The following AIG1 variants were observed in gnomAD, a reference collection of about 807,000 sequenced individuals.
AIG1 encodes the protein androgen-induced gene 1 protein.
Under a neutral mutation model 31.4 loss-of-function variants are expected in AIG1, and 23 were observed. That is an observed-to-expected ratio of 0.73 (90% CI 0.53 to 1.04). AIG1 has a LOEUF of 1.04. Ranked by LOEUF, AIG1 falls within the 50% of genes least tolerant of loss-of-function variation. The pLI is 0.00. For missense variants in AIG1, 274 were observed against 295.0 expected, an observed-to-expected ratio of 0.93 and a Z score of 0.52; for synonymous variants, 100 against 110.5, an observed-to-expected ratio of 0.90 and a Z score of 0.60.
At chr6:143,302,428 T>C (rs1227856032) in intron 4 of AIG1, among the ~76,000 whole-genome samples, 2 of 150,630 alleles carry the variant, frequency 1.3e-5, no homozygotes, top group Non-Finnish European at 3.0e-5. Context: ...CCTGTGTCCA[T>C]GTGTTCTCAT....
intron 1 of AIG1, among the ~76,000 whole-genome samples, chr6:143,105,317 G>A (rs1780704113): frequency 6.6e-6 from 1 of 152,232 alleles, no homozygotes; most frequent in Non-Finnish European, 1.5e-5. Flanking sequence ...AGAAGCGGGT[G>A]TGAGTAGTGT....
chr6:143,294,995 C>G (rs139716310), intron 4 of AIG1, among the ~76,000 whole-genome samples: 2 of 152,286 alleles, frequency 1.3e-5, no homozygotes, highest in Middle Eastern at 3.4e-3. Flanking sequence ...CCATACCTCT[C>G]TCCTGAACCT....
At chr6:143,144,678 G>A (rs1004641011) in intron 2 of AIG1, among the ~76,000 whole-genome samples, 1 of 152,212 alleles carries the variant, frequency 6.6e-6, no homozygotes, top group Non-Finnish European at 1.5e-5. Flanking sequence ...AATAAGCTCA[G>A]CAAAGCTGCT....
intron 4 of AIG1, among the ~76,000 whole-genome samples, chr6:143,285,333 C>T (rs1166153918): frequency 2.0e-5 from 3 of 150,526 alleles, no homozygotes; most frequent in African/African-American, 4.9e-5. Context: ...TGAGCCACCG[C>T]GTCCAGCTGG....
chr6:143,212,136 G>C (rs1351728678), intron 3 of AIG1, among the ~76,000 whole-genome samples: 1 of 152,052 alleles, frequency 6.6e-6, no homozygotes, highest in African/African-American at 2.4e-5. Context: ...ATTTGTGACA[G>C]GCAAAAATGT....
intron 1 of AIG1, among the ~76,000 whole-genome samples, chr6:143,121,971 T>C (rs929097432): frequency 6.6e-6 from 1 of 152,230 alleles, no homozygotes; most frequent in Non-Finnish European, 1.5e-5. Flanking sequence ...TTGTTTATGG[T>C]ATTCTGGTGA....
intron 1 of AIG1, among the ~76,000 whole-genome samples, chr6:143,097,866 C>G: frequency 6.6e-6 from 1 of 152,202 alleles, no homozygotes; most frequent in East Asian, 1.9e-4. Flanking sequence ...TACTTTCTCT[C>G]CTATTGCAGT....
intron 1 of AIG1, among the ~76,000 whole-genome samples, chr6:143,136,587 G>A (rs9496529): frequency 0.019 from 2,854 of 152,296 alleles, 96 homozygotes; most frequent in African/African-American, 0.063. Context: ...CTATTTAGAT[G>A]TGTGTGTGCA....
intron 4 of AIG1, among the ~76,000 whole-genome samples, chr6:143,296,117 G>T (rs1454034026): frequency 6.6e-6 from 1 of 151,858 alleles, no homozygotes; most frequent in Non-Finnish European, 1.5e-5. Context: ...CTTACACTTA[G>T]TTCAATGGTA....
rs1777106633 is a variant in AIG1 at position 143,331,850 on chromosome 6, TTA to T, written c.516-1430_516-1429del. Among the ~76,000 whole-genome samples, 8 of 78,118 alleles carry T rather than the reference TTA, an allele frequency of 1.0e-4. No homozygotes were observed. The East Asian group carries it at 2.0e-3, about 19-fold the overall frequency. The allele number at this position is 78,118 out of a possible 152,430, so 51.2% of individuals were successfully genotyped here. On this transcript the variant is annotated intron_variant, in intron 4 of 5. Coordinates refer to ENST00000357847, the MANE Select transcript of AIG1 (RefSeq NM_016108.4). The surrounding 1 kb of genome is among the most constrained non-coding windows in gnomAD (Gnocchi z 4.1). ...GAGGTACATGTGTAGGTAATGTTTA[TTA>T]TTATTATTATTATTATTATTATTAT...
chr6:143,134,839 C>G (rs963820887), intron 1 of AIG1, among the ~76,000 whole-genome samples: 1 of 151,980 alleles, frequency 6.6e-6, no homozygotes, highest in African/African-American at 2.4e-5. Context: ...ATAAAACAGG[C>G]TTTGTGTTAG....
chr6:143,139,714 T>G (rs1365977948), intron 2 of AIG1, among the ~76,000 whole-genome samples: 1 of 152,160 alleles, frequency 6.6e-6, no homozygotes, highest in Non-Finnish European at 1.5e-5. Flanking sequence ...TCCTCTGTTT[T>G]AAGAAGAATC....
chr6:143,150,554 TG>T lies in AIG1; in HGVS notation c.297+13567del, dbSNP rs1363039966. Among the ~76,000 whole-genome samples the T allele has an allele frequency of 4.6e-5, 7 of 152,034 alleles. 1 individual carries two copies. Among genetic ancestry groups the T allele is most frequent in the Admixed American group, 4.6e-4 (7 of 15,260 alleles). ...GGAAGAAGACTGGGGCCCATTAGGG[TG>T]GGAAAACTACTGCCATTGTGGCTGT... On this transcript the variant is annotated intron_variant, in intron 2 of 5. Coordinates refer to ENST00000357847, the MANE Select transcript of AIG1 (RefSeq NM_016108.4).
chr6:143,292,638 T>C lies in AIG1; in HGVS notation c.515+8413T>C, dbSNP rs1210115226. Among the ~76,000 whole-genome samples, 2 of 152,216 alleles carry C rather than the reference T, an allele frequency of 1.3e-5. No homozygotes were observed. Among genetic ancestry groups the C allele is most frequent in the Non-Finnish European group, 2.9e-5 (2 of 68,044 alleles). On this transcript the variant is annotated intron_variant, in intron 4 of 5. Coordinates refer to ENST00000357847, the MANE Select transcript of AIG1 (RefSeq NM_016108.4). The surrounding 1 kb of genome is among the most constrained non-coding windows in gnomAD (Gnocchi z 4.9). ...AGAATTCTCCGATGAATATGTGTTG[T>C]TTTAAGCCACAAGTCTGTGGCAATG...
rs1583679885 is a variant in AIG1 at position 143,268,905 on chromosome 6, T to A, written c.400-15205T>A. ...CCTTATGTGAAGACAGCAGCCTTACTAAGTTCAGACCCCCTTCCTGTGGCA... is the reference window on the plus strand; with the variant it reads ...CCTTATGTGAAGACAGCAGCCTTACAAAGTTCAGACCCCCTTCCTGTGGCA... On this transcript the variant is annotated intron_variant, in intron 3 of 5. Transcript: ENST00000357847. This position sits in a 1 kb window ranked among gnomAD's most constrained non-coding sequence, Gnocchi z 5.0. 6.6e-6 allele frequency among the ~76,000 whole-genome samples: 1 copy of A among 152,180 alleles called. No individual in the cohort carries two copies. The highest frequency in any genetic ancestry group is 1.9e-4 in the East Asian group (1 of 5,180).
Position 143,330,527 on chromosome 6 carries a change from T to TG in AIG1, c.516-2751dup. The stretch of plus-strand genomic sequence containing the variant: ...GATGGGCTGGAGTGGCGGGGAACGA[T>TG]GGGGAGAATAACAGGAGATTAAATC... On this transcript the variant is annotated intron_variant, in intron 4 of 5. Coordinates refer to ENST00000357847, the MANE Select transcript of AIG1 (RefSeq NM_016108.4). The surrounding 1 kb of genome is among the most constrained non-coding windows in gnomAD (Gnocchi z 4.4). 6.6e-6 allele frequency among the ~76,000 whole-genome samples: 1 copy of TG among 151,398 alleles called. No individual in the cohort carries two copies. Among genetic ancestry groups the TG allele is most frequent in the Middle Eastern group, 3.4e-3 (1 of 292 alleles).
chr6:143,136,903 T>A lies in AIG1; in HGVS notation c.210T>A (p.Ser70Arg). 1 of 1,534,928 alleles carries A rather than the reference T, an allele frequency of 6.5e-7. No individual in the cohort carries two copies. The highest frequency in any genetic ancestry group is 8.8e-7 in the Non-Finnish European group (1 of 1,130,310). Residue 70 changes from serine (S) to arginine (R), a missense_variant, in exon 2 of 6, where the codon AGT (serine) becomes AGA (arginine). Ser to Arg is a moderately radical substitution (Grantham distance 110, BLOSUM62 -1). This residue lies in a region of AIG1 where 243 missense variants were observed against 238.5 expected (regional missense o/e 1.02). Transcript: ENST00000357847. ...TTTCCAGTCTTCTGACTCGAGGAAGTGGGAACCAGGAGCAAGAGAGGCAGC... is the reference window on the plus strand; with the variant it reads ...TTTCCAGTCTTCTGACTCGAGGAAGAGGGAACCAGGAGCAAGAGAGGCAGC... ...TDLSSLLTRG[S>R]GNQEQERQLK...
chr6:143,227,122 A>G (rs1232636389), intron 3 of AIG1, among the ~76,000 whole-genome samples: 2 of 152,150 alleles, frequency 1.3e-5, no homozygotes, highest in South Asian at 2.1e-4. Flanking sequence ...CCTAAAGAAG[A>G]TAATTCACTG....
intron 3 of AIG1, among the ~76,000 whole-genome samples, chr6:143,233,372 T>C (rs1419087576): frequency 6.6e-6 from 1 of 151,924 alleles, no homozygotes; most frequent in African/African-American, 2.4e-5. Flanking sequence ...ACCCAGGAAA[T>C]TTGGAAATAT....
Sources: gnomAD v4.1 joint callset for allele counts (sites outside exome capture counted in the v4.1 genomes callset) on GRCh38, gnomAD v4.1.1 for gene constraint, gnomAD v4.1.1 regional missense constraint, Gnocchi (gnomAD v3.1) non-coding constraint, MANE v1.5 for transcripts, NCBI Gene and HGNC (gene_info 2026-07-23, HGNC 2026-07-21) for gene names.